DAB1: variants seen among roughly 807,000 people sequenced by gnomAD.
DAB1 encodes the protein disabled homolog 1.
DAB1 carries 15 observed loss-of-function variants against 64.6 expected under a neutral mutation model. The observed-to-expected ratio is 0.23, with a 90% CI of 0.16 to 0.36. The LOEUF (loss-of-function observed/expected upper bound fraction) is 0.36. Among genes scored for constraint, DAB1 ranks in the 10% least tolerant of loss-of-function variants. The pLI is 1.00. For missense variants in DAB1, 596 were observed against 706.7 expected, an observed-to-expected ratio of 0.84 and a Z score of 1.78; for synonymous variants, 235 against 251.9, an observed-to-expected ratio of 0.93 and a Z score of 0.64.
intron 5 of DAB1, among the ~76,000 whole-genome samples, chr1:57,913,906 T>A (rs1374745129): frequency 1.3e-5 from 2 of 152,100 alleles, no homozygotes; most frequent in Non-Finnish European, 2.9e-5. Flanking sequence ...TACCATCTCA[T>A]GCCAGTTAGA....
intron 4 of DAB1, among the ~76,000 whole-genome samples, chr1:58,219,292 G>T (rs72910406): frequency 6.6e-6 from 1 of 152,068 alleles, no homozygotes; most frequent in Non-Finnish European, 1.5e-5. Flanking sequence ...AGGAAAGAAG[G>T]AAGGAAATGC....
chr1:57,740,027 T>TCTA (rs1216556888), intron 6 of DAB1, among the ~76,000 whole-genome samples: 9 of 127,926 alleles, frequency 7.0e-5, no homozygotes, highest in East Asian at 2.3e-4. Flanking sequence ...AAAACCCATC[T>TCTA]CTACTACTAC....
intron 5 of DAB1, among the ~76,000 whole-genome samples, chr1:58,087,984 C>A (rs1438788379): frequency 6.6e-6 from 1 of 152,188 alleles, no homozygotes; most frequent in Non-Finnish European, 1.5e-5. Flanking sequence ...CAACATACGG[C>A]TATTTTTACT....
intron 5 of DAB1, among the ~76,000 whole-genome samples, chr1:57,979,063 G>A (rs1444190629): frequency 6.6e-6 from 1 of 152,138 alleles, no homozygotes; most frequent in Non-Finnish European, 1.5e-5. Context: ...CCATTACTGG[G>A]TATATACTCA....
intron 2 of DAB1, among the ~76,000 whole-genome samples, chr1:57,152,133 G>A (rs1167311984): frequency 1.3e-5 from 2 of 152,128 alleles, no homozygotes; most frequent in Non-Finnish European, 2.9e-5. Flanking sequence ...ATCTTTAAAA[G>A]GGATCTCCTT....
At chr1:57,370,552 G>C (rs1680412278) in intron 1 of DAB1, among the ~76,000 whole-genome samples, 1 of 151,728 alleles carries the variant, frequency 6.6e-6, no homozygotes, top group Admixed American at 6.6e-5. Flanking sequence ...ACTTTTATTG[G>C]GGTGAGGGAG....
intron 2 of DAB1, among the ~76,000 whole-genome samples, chr1:57,261,109 A>G (rs1266996173): frequency 6.6e-6 from 1 of 151,630 alleles, no homozygotes; most frequent in Non-Finnish European, 1.5e-5. Context: ...TATGATGACC[A>G]CTCCCACCCT....
intron 7 of DAB1, among the ~76,000 whole-genome samples, chr1:57,542,247 C>T (rs1171309111): frequency 6.6e-6 from 1 of 151,860 alleles, no homozygotes; most frequent in Non-Finnish European, 1.5e-5. Flanking sequence ...ACAGCCAGAA[C>T]CAGGGCTTAA....
chr1:57,196,787 T>G (rs989300651), intron 2 of DAB1, among the ~76,000 whole-genome samples: 2 of 152,246 alleles, frequency 1.3e-5, no homozygotes, highest in Admixed American at 6.5e-5. Context: ...ACAGTCCTTT[T>G]TGCTTGTGCA....
chr1:57,249,660 C>T (rs1322273913), intron 2 of DAB1, among the ~76,000 whole-genome samples: 1 of 152,214 alleles, frequency 6.6e-6, no homozygotes, highest in African/African-American at 2.4e-5. Context: ...GCATGAGCCA[C>T]CACACCCAGC....
At chr1:58,049,304 A>C (rs531138971) in intron 5 of DAB1, 2 of 678,978 alleles carry the variant, frequency 2.9e-6, no homozygotes, top group East Asian at 5.0e-5. Flanking sequence ...TGGCAGGGAG[A>C]AGAGAGACTT....
rs566391267 is a variant in DAB1 at position 58,428,370 on chromosome 1, T to G, written n.257+77690A>C. ...GACAGAGGAACATGTTTAAAGACAC[T>G]AGGTGGATACAGTCAACAAAATCCA... is the stretch of plus-strand genomic sequence containing the variant. On this transcript the variant is annotated intron_variant and non_coding_transcript_variant, in intron 3 of 20. Transcript: ENST00000485760. Among the ~76,000 whole-genome samples the G allele has an allele frequency of 3.9e-5, 6 of 152,312 alleles. 1 individual carries two copies. The South Asian group carries it at 1.2e-3, about 32-fold the overall frequency.
At chr1:58,171,821 A>G (rs781140213) in intron 4 of DAB1, among the ~76,000 whole-genome samples, 3 of 152,300 alleles carry the variant, frequency 2.0e-5, no homozygotes, top group Non-Finnish European at 4.4e-5. Flanking sequence ...CCAGCATGCT[A>G]CTCTAGATAT....
At chr1:58,248,110 G>C (rs1434856888) in intron 4 of DAB1, among the ~76,000 whole-genome samples, 1 of 152,080 alleles carries the variant, frequency 6.6e-6, no homozygotes, top group African/African-American at 2.4e-5. Context: ...TCTTGTCAAA[G>C]AGAGAGTGCT....
chr1:58,458,371 C>A (rs1273397787), intron 3 of DAB1, among the ~76,000 whole-genome samples: 1 of 152,148 alleles, frequency 6.6e-6, no homozygotes, highest in Admixed American at 6.5e-5. Context: ...TGTTGTTTCC[C>A]CATTTTAGAG....
At chr1:57,563,533 T>C (rs1645078119) in intron 7 of DAB1, among the ~76,000 whole-genome samples, 1 of 152,094 alleles carries the variant, frequency 6.6e-6, no homozygotes, top group Non-Finnish European at 1.5e-5. Context: ...GGAATTCCCT[T>C]TCCTAGCCAA....
At chr1:57,480,546 T>G (rs1268242549) in intron 7 of DAB1, among the ~76,000 whole-genome samples, 6 of 151,842 alleles carry the variant, frequency 4.0e-5, no homozygotes, top group African/African-American at 1.5e-4. Flanking sequence ...GTGCAGTAGC[T>G]TAATCGTGGC....
At chr1:57,030,101 T>A (rs572000489) in intron 9 of DAB1, among the ~76,000 whole-genome samples, 1 of 152,200 alleles carries the variant, frequency 6.6e-6, no homozygotes, top group Non-Finnish European at 1.5e-5. Flanking sequence ...CCAGGGGGAG[T>A]TAATTCAATC....
At position 58,018,060 on chromosome 1, in the gene DAB1, T is replaced by C. The variant is rs181575870; in HGVS notation, n.387+132451A>G. Among the ~76,000 whole-genome samples the C allele has an allele frequency of 2.7e-3, 413 of 152,192 alleles. 4 individuals carry two copies. The highest frequency in any genetic ancestry group is 9.6e-3 in the African/African-American group (397 of 41,524). On this transcript the variant is annotated intron_variant and non_coding_transcript_variant, in intron 5 of 20. Coordinates refer to the DAB1 transcript ENST00000485760. ...GTAAATAGAATTCAAAAGTAAGACT[T>C]TCTGATCATGATGCTTGTGCTTTTT...
Sources: allele counts gnomAD v4.1 joint callset (sites outside exome capture counted in the v4.1 genomes callset), GRCh38; gene constraint gnomAD v4.1.1; transcripts MANE v1.5; gene names NCBI Gene and HGNC (gene_info 2026-07-23, HGNC 2026-07-21).